Variants in CRTAM observed in about 807,000 individuals in gnomAD.
CRTAM encodes cytotoxic and regulatory T-cell molecule.
A neutral mutation model predicts 50.0 loss-of-function variants in CRTAM; 44 were observed. The observed-to-expected ratio is 0.88, with a 90% confidence interval of 0.69 to 1.13. The LOEUF is 1.13. Ranked by LOEUF, CRTAM falls within the 50% of genes most tolerant of loss-of-function variation. The pLI, the probability that CRTAM is intolerant of heterozygous loss-of-function variation, is 0.00. For synonymous variants in CRTAM, 159 were observed against 169.3 expected (o/e 0.94, Z 0.47); for missense variants, 448 against 457.5 (o/e 0.98, Z 0.19).
Position 122,871,730 on chromosome 11 carries a change from C to T in CRTAM, c.*331C>T. The T allele has an allele frequency of 5.9e-6, 1 of 168,464 alleles. No homozygotes were observed. The highest frequency in any genetic ancestry group is 1.3e-5 in the Non-Finnish European group (1 of 78,966). 10.4% of individuals were successfully genotyped at this position (168,464 alleles called of 1,614,324 possible). On this transcript the variant is annotated 3_prime_UTR_variant, in exon 10 of 10. Coordinates refer to ENST00000227348, the MANE Select transcript of CRTAM (RefSeq NM_019604.4). ...TCAAATGGAACAGGATTTTTTGATG[C>T]TTTGCTCTAATGGAACTGTTTAAAA...
chr11:122,868,876 G>A (rs1054821989), intron 9 of CRTAM, among the ~76,000 whole-genome samples: 1 of 152,140 alleles, frequency 6.6e-6, no homozygotes, highest in African/African-American at 2.4e-5. Context: ...GGGCATGGTG[G>A]CAGGAGCCTG....
intron 5 of CRTAM, among the ~76,000 whole-genome samples, chr11:122,861,977 GA>G (rs1862090086): frequency 6.6e-6 from 1 of 152,048 alleles, no homozygotes; most frequent in East Asian, 1.9e-4. Context: ...CAAAACACTC[GA>G]AGAGGTAAAT....
chr11:122,848,611 A>G (rs1861894938), intron 1 of CRTAM, among the ~76,000 whole-genome samples: 1 of 152,206 alleles, frequency 6.6e-6, no homozygotes, highest in Non-Finnish European at 1.5e-5. Context: ...TGACCTAGGA[A>G]TGGAACAAAC....
At chr11:122,845,649 G>A (rs1279306067) in intron 1 of CRTAM, among the ~76,000 whole-genome samples, 1 of 152,164 alleles carries the variant, frequency 6.6e-6, no homozygotes, top group East Asian at 1.9e-4. Context: ...GGAGGTTGCA[G>A]TGAGCTGAGA....
intron 1 of CRTAM, among the ~76,000 whole-genome samples, chr11:122,849,342 C>A (rs1398732284): frequency 6.6e-6 from 1 of 152,206 alleles, no homozygotes; most frequent in Non-Finnish European, 1.5e-5. Flanking sequence ...GGGTACAGAT[C>A]CCAGCTCAAT....
intron 1 of CRTAM, among the ~76,000 whole-genome samples, chr11:122,846,550 A>T (rs970684412): frequency 8.5e-5 from 13 of 152,090 alleles, no homozygotes; most frequent in African/African-American, 3.1e-4. Context: ...CGGCCTCCCA[A>T]AGTACTGGAA....
chr11:122,843,028 A>G (rs900310177), intron 1 of CRTAM, among the ~76,000 whole-genome samples: 1 of 152,218 alleles, frequency 6.6e-6, no homozygotes, highest in Non-Finnish European at 1.5e-5. Context: ...TTCTTTTCTC[A>G]GTCTACATGA....
At position 122,872,334 on chromosome 11, in the gene CRTAM, TTGTC is replaced by T. The variant is rs1862266724; in HGVS notation, c.*940_*943del. On this transcript the variant is annotated 3_prime_UTR_variant, in exon 10 of 10. Transcript: ENST00000227348. ...GATTACTAAATCACATGAGCGGACC[TTGTC>T]TGTCAGATAAGATTTTTACCTGGAA... The T allele has an allele frequency of 6.6e-6, 1 of 152,202 alleles. No homozygotes were observed. The highest frequency in any genetic ancestry group is 6.5e-5 in the Admixed American group (1 of 15,274). The allele number at this position is 152,202 out of a possible 1,614,324, so 9.4% of individuals were successfully genotyped here.
intron 3 of CRTAM, among the ~76,000 whole-genome samples, chr11:122,853,292 G>A (rs868708266): frequency 1.8e-4 from 28 of 151,880 alleles, no homozygotes; most frequent in African/African-American, 3.6e-4. Context: ...GGATGGTCTC[G>A]ATCTCCTGAT....
chr11:122,843,150 T>G (rs1320536235), intron 1 of CRTAM, among the ~76,000 whole-genome samples: 1 of 152,236 alleles, frequency 6.6e-6, no homozygotes, highest in Non-Finnish European at 1.5e-5. Flanking sequence ...GGTAGATGGC[T>G]GTTACTGCTG....
Position 122,851,708 on chromosome 11 carries a change from A to G in CRTAM, c.209A>G (p.Lys70Arg). 1 of 1,614,124 alleles carries G rather than the reference A, an allele frequency of 6.2e-7. No individual in the cohort carries two copies. The highest frequency in any genetic ancestry group is 2.2e-5 in the East Asian group (1 of 44,884). Residue 70 changes from lysine to arginine, a missense_variant, in exon 3 of 10, where the codon AAA becomes AGA. Coordinates refer to ENST00000227348, the MANE Select transcript of CRTAM (RefSeq NM_019604.4). ...LNEYPALKNSKYQLLHHSANQ... is the reference protein window; with the variant it reads ...LNEYPALKNSRYQLLHHSANQ... ...TCTTGTACAGCTTTAAAAAATTCCA[A>G]ATACCAGCTTCTTCATCACTCGGCC...
chr11:122,865,306 A>AT (rs1862155120), intron 7 of CRTAM, among the ~76,000 whole-genome samples: 2 of 152,162 alleles, frequency 1.3e-5, no homozygotes, highest in African/African-American at 4.8e-5. Context: ...AAGTGCTGGG[A>AT]TTACAGGCGT....
At position 122,846,869 on chromosome 11, in the gene CRTAM, A is replaced by G. The variant is rs375652102; in HGVS notation, c.47-3199A>G. Among the ~76,000 whole-genome samples, 218 of 152,256 alleles carry G rather than the reference A, an allele frequency of 1.4e-3. 1 individual carries two copies. The highest frequency in any genetic ancestry group is 4.9e-3 in the African/African-American group (203 of 41,552). Reference sequence around the variant, plus strand: ...CCTAACTGCTTCTTCCTTAATGTCTACTAGGACCTTAGAATGTTTAATAAT... The same window carrying G: ...CCTAACTGCTTCTTCCTTAATGTCTGCTAGGACCTTAGAATGTTTAATAAT... On this transcript the variant is annotated intron_variant, in intron 1 of 9. Transcript: ENST00000227348.
Position 122,855,736 on chromosome 11 carries a change from A to C in CRTAM, c.532A>C (p.Asn178His). The C allele has an allele frequency of 6.2e-7, 1 of 1,614,066 alleles. No homozygotes were observed. Among genetic ancestry groups the C allele is most frequent in the South Asian group, 1.1e-5 (1 of 91,078 alleles). The change falls in exon 5 of 10, where the codon AAT (asparagine) becomes CAT (histidine). Residue 178 changes from asparagine to histidine, a missense_variant. By Grantham distance (68) the Asn-to-His change is moderately conservative. Coordinates refer to ENST00000227348, the MANE Select transcript of CRTAM (RefSeq NM_019604.4). ...ATTTGAAACTGATGGGAAGAAATGT[A>C]ATACTACCAGCACTCTCATAATCCA... ...HEFETDGKKC[N>H]TTSTLIIHTY...
chr11:122,866,598 T>G (rs1862178264), intron 7 of CRTAM, among the ~76,000 whole-genome samples: 1 of 136,402 alleles, frequency 7.3e-6, no homozygotes, highest in African/African-American at 2.5e-5. Flanking sequence ...AATTCTAGGT[T>G]TAGAAAGCCT....
chr11:122,856,732 C>T (rs1180755651), intron 5 of CRTAM, among the ~76,000 whole-genome samples: 3 of 152,220 alleles, frequency 2.0e-5, no homozygotes, highest in Non-Finnish European at 4.4e-5. Context: ...GGAAAGCTGC[C>T]GTGATGCCCT....
rs998466923 is a variant in CRTAM, at chr11:122,854,489, A to G, written c.490+403A>G. On this transcript the variant is annotated intron_variant, in intron 4 of 9. Coordinates refer to ENST00000227348, the MANE Select transcript of CRTAM (RefSeq NM_019604.4). ...GGAGTTCGAGACCAGCCTGACCAAC[A>G]TGGAGAAACCTCGTCCCTACTAAAA... Among the ~76,000 whole-genome samples, 7 of 150,886 alleles carry G rather than the reference A, an allele frequency of 4.6e-5. No homozygotes were observed. In the East Asian group the frequency reaches 9.8e-4, roughly 21 times the overall value.
rs150729402 is a variant in CRTAM at position 122,841,927 on chromosome 11, C to T, written c.46+3335C>T. ...ATTATGGGGAAAAGGGAAGCTAAGG[C>T]CTGTTTTGGAAGTTTTGACAAAAGT... On this transcript the variant is annotated intron_variant, in intron 1 of 9. Transcript: ENST00000227348. 2.7e-3 allele frequency among the ~76,000 whole-genome samples: 415 copies of T among 152,174 alleles called. 2 individuals are homozygous for T. The highest frequency in any genetic ancestry group is 9.1e-3 in the African/African-American group (378 of 41,520).
rs149701020 is a variant in CRTAM at position 122,862,487 on chromosome 11, G to T, written c.676G>T (p.Asp226Tyr). 6.8e-6 allele frequency: 11 copies of T among 1,613,044 alleles called. No individual in the cohort carries two copies. Among genetic ancestry groups the T allele is most frequent in the African/African-American group, 6.7e-5 (5 of 74,900 alleles). ...DLVTDEETAS[D>Y]ALERNSLSSQ... ...AGTTACTGATGAAGAGACAGCTTCA[G>T]ATGCTCTGGAGAGAAACTCTCTATC... The change falls in exon 6 of 10, where the codon GAT becomes TAT. Residue 226 changes from aspartate to tyrosine, a missense_variant. By Grantham distance (160) the Asp-to-Tyr change is radical (BLOSUM62 -3). Coordinates refer to ENST00000227348, the MANE Select transcript of CRTAM (RefSeq NM_019604.4).
Sources: allele counts gnomAD v4.1 joint callset (sites outside exome capture counted in the v4.1 genomes callset), GRCh38; gene constraint gnomAD v4.1.1; transcripts MANE v1.5; gene names NCBI Gene and HGNC (gene_info 2026-07-23, HGNC 2026-07-21).